The following RBFOX1 variants were observed in gnomAD, a reference collection of about 807,000 sequenced individuals.
RBFOX1 encodes RNA binding fox-1 homolog 1.
RBFOX1 carries 8 observed loss-of-function variants against 57.7 expected under a neutral mutation model. The observed-to-expected ratio is 0.14, with a 90% CI of 0.08 to 0.25. The LOEUF is 0.25. RBFOX1 is among the 10% of genes least tolerant of loss of function. The probability of loss-of-function intolerance (pLI) is 1.00; values close to 1 mark genes in which losing one functional copy is unlikely to be tolerated. For synonymous variants in RBFOX1, 326 were observed against 222.4 expected (o/e 1.47, Z -4.15); for missense variants, 611 against 548.5 (o/e 1.11, Z -1.14).
intron 1 of RBFOX1, among the ~76,000 whole-genome samples, chr16:5,250,522 G>A (rs1278379846): frequency 1.3e-5 from 2 of 152,150 alleles, no homozygotes; most frequent in Admixed American, 6.5e-5. Flanking sequence ...AACACACAGT[G>A]TTTGGTTTTC....
chr16:6,138,316 A>G (rs574404486), intron 1 of RBFOX1, among the ~76,000 whole-genome samples: 25 of 152,270 alleles, frequency 1.6e-4, no homozygotes, highest in Non-Finnish European at 3.1e-4. Context: ...ATTGGGTCAT[A>G]TGTAACATAG....
chr16:6,191,514 G>T (rs571537962), intron 1 of RBFOX1, among the ~76,000 whole-genome samples: 2 of 152,218 alleles, frequency 1.3e-5, no homozygotes, highest in Admixed American at 1.3e-4. Context: ...CAACTGCCGT[G>T]TATCTCAAAT....
chr16:5,389,075 C>T (rs547705391), intron 1 of RBFOX1, among the ~76,000 whole-genome samples: 22 of 151,688 alleles, frequency 1.5e-4, no homozygotes, highest in African/African-American at 5.3e-4. Context: ...CCTGTAGTCC[C>T]AGCTACTCGG....
intron 2 of RBFOX1, among the ~76,000 whole-genome samples, chr16:5,533,340 A>G (rs2044561066): frequency 6.6e-6 from 1 of 152,218 alleles, no homozygotes; most frequent in African/African-American, 2.4e-5. Flanking sequence ...TAATTTCAAA[A>G]GGAAAGGTGC....
chr16:5,995,909 G>A (rs1408761885), intron 4 of RBFOX1, among the ~76,000 whole-genome samples: 1 of 152,176 alleles, frequency 6.6e-6, no homozygotes, highest in Non-Finnish European at 1.5e-5. Context: ...CTGAGGGCTG[G>A]GAAGTCCAAG....
chr16:7,593,662 G>A (rs571754227), intron 7 of RBFOX1, among the ~76,000 whole-genome samples: 5 of 144,702 alleles, frequency 3.5e-5, no homozygotes, highest in East Asian at 2.1e-4. Context: ...CCACTTACAT[G>A]TGAATTTTTT....
intron 4 of RBFOX1, among the ~76,000 whole-genome samples, chr16:7,481,805 G>T (rs1307689641): frequency 6.6e-6 from 1 of 152,126 alleles, no homozygotes. Flanking sequence ...CAACATCACA[G>T]CTTAGCCTAG....
intron 3 of RBFOX1, among the ~76,000 whole-genome samples, chr16:5,621,948 C>G (rs1182699349): frequency 6.6e-6 from 1 of 152,202 alleles, no homozygotes; most frequent in African/African-American, 2.4e-5. Flanking sequence ...ACTGGCCCAG[C>G]ATCTCCTGGG....
intron 4 of RBFOX1, among the ~76,000 whole-genome samples, chr16:7,406,344 A>G (rs910572712): frequency 1.3e-5 from 2 of 152,176 alleles, no homozygotes; most frequent in African/African-American, 4.8e-5. Flanking sequence ...GCACTGCGTT[A>G]TAGAAGAGTA....
At chr16:7,216,505 G>T (rs1016909125) in intron 4 of RBFOX1, among the ~76,000 whole-genome samples, 1 of 152,058 alleles carries the variant, frequency 6.6e-6, no homozygotes, top group Non-Finnish European at 1.5e-5. Context: ...TTTTTAAATA[G>T]CGTCTACTTC....
At position 5,580,389 on chromosome 16, in the gene RBFOX1, C is replaced by T. The variant is rs566763355; in HGVS notation, c.259-18513C>T. On this transcript the variant is annotated intron_variant, in intron 2 of 2. Transcript: ENST00000585867. ...TGGGTCTCAGCCTGGCACCATTTTC[C>T]GAGGGGTAAGTGCCCACTGAGCTTG... Among the ~76,000 whole-genome samples, 18 of 152,290 alleles carry T rather than the reference C, an allele frequency of 1.2e-4. No individual in the cohort carries two copies. In the East Asian group the frequency reaches 2.5e-3, roughly 21 times the overall value.
chr16:6,892,751 A>G (rs1463583336), intron 3 of RBFOX1, among the ~76,000 whole-genome samples: 1 of 149,570 alleles, frequency 6.7e-6, no homozygotes, highest in Non-Finnish European at 1.5e-5. Flanking sequence ...TCAGAAATGC[A>G]TATTCTCAAA....
intron 4 of RBFOX1, among the ~76,000 whole-genome samples, chr16:5,944,629 C>A (rs1024529919): frequency 1.3e-5 from 2 of 151,136 alleles, no homozygotes; most frequent in Non-Finnish European, 2.9e-5. Flanking sequence ...ATACTGTCCC[C>A]GCCATTGTCA....
intron 3 of RBFOX1, among the ~76,000 whole-genome samples, chr16:6,855,973 C>G (rs2057811575): frequency 1.3e-5 from 2 of 152,032 alleles, no homozygotes; most frequent in Admixed American, 6.6e-5. Flanking sequence ...CCCAAAGACT[C>G]CTGCCTAATA....
At chr16:5,956,672 A>ATTT (rs1309859075) in intron 4 of RBFOX1, among the ~76,000 whole-genome samples, 17 of 78,374 alleles carry the variant, frequency 2.2e-4, no homozygotes, top group East Asian at 6.8e-4. Flanking sequence ...ATATATATAT[A>ATTT]TATATATTTT....
At chr16:7,313,927 C>T (rs1477342094) in intron 4 of RBFOX1, among the ~76,000 whole-genome samples, 1 of 152,152 alleles carries the variant, frequency 6.6e-6, no homozygotes, top group East Asian at 1.9e-4. Context: ...CAGGTTCCTG[C>T]GTTGGAAGAA....
At chr16:5,302,400 T>TA (rs967138869) in intron 1 of RBFOX1, among the ~76,000 whole-genome samples, 1 of 152,214 alleles carries the variant, frequency 6.6e-6, no homozygotes, top group African/African-American at 2.4e-5. Context: ...TTGAAAAGAA[T>TA]GTGTATTCTG....
chr16:7,081,775 G>C (rs552590417), intron 4 of RBFOX1, among the ~76,000 whole-genome samples: 1 of 152,178 alleles, frequency 6.6e-6, no homozygotes, highest in Non-Finnish European at 1.5e-5. Context: ...TAACATGGAT[G>C]ATTTGAACAC....
In RBFOX1 at chr16:6,287,399, G is replaced by A. The variant is rs77552318; in HGVS notation, c.-126-29596G>A. The stretch of plus-strand genomic sequence containing the variant: ...TGCTAAGAATCCTGTATTATCATTG[G>A]TGTTTGCCAATATGATATTTATTAA... On this transcript the variant is annotated intron_variant, in intron 1 of 15. Transcript: ENST00000550418. Among the ~76,000 whole-genome samples, 854 of 152,146 alleles carry A rather than the reference G, an allele frequency of 5.6e-3. 8 individuals are homozygous for A. The highest frequency in any genetic ancestry group is 0.02 in the African/African-American group (815 of 41,524).
Sources: gnomAD v4.1 joint callset for allele counts (sites outside exome capture counted in the v4.1 genomes callset) on GRCh38, gnomAD v4.1.1 for gene constraint, MANE v1.5 for transcripts, NCBI Gene and HGNC (gene_info 2026-07-23, HGNC 2026-07-21) for gene names.